Variants in MYRIP observed in about 807,000 individuals in gnomAD.
MYRIP encodes rab effector MyRIP.
In MYRIP, 49 loss-of-function variants were observed where a neutral mutation model predicts 98.0. The ratio of observed to expected loss-of-function variants is 0.50; its 90% CI spans 0.40 to 0.63. The LOEUF (loss-of-function observed/expected upper bound fraction) is 0.63, where lower values mean the gene tolerates loss of function less well. Ranked by LOEUF, MYRIP falls within the 30% of genes least tolerant of loss-of-function variation. MYRIP has a pLI of 0.00. For missense variants in MYRIP, 1,004 were observed against 1,058.2 expected (o/e 0.95, Z 0.71); for synonymous variants, 404 against 409.5 (o/e 0.99, Z 0.16).
intron 16 of MYRIP, among the ~76,000 whole-genome samples, chr3:40,254,921 T>G (rs1953525190): frequency 6.6e-6 from 1 of 152,210 alleles, no homozygotes; most frequent in African/African-American, 2.4e-5. Context: ...TTACCTTTTA[T>G]CCTTCACCCA....
chr3:40,235,520 T>A (rs937729825), intron 12 of MYRIP, among the ~76,000 whole-genome samples: 5 of 152,220 alleles, frequency 3.3e-5, no homozygotes, highest in Admixed American at 6.5e-5. Flanking sequence ...CTGGAACAAG[T>A]ATGCATTTGC....
At chr3:40,061,831 T>C (rs1354344276) in intron 3 of MYRIP, among the ~76,000 whole-genome samples, 6 of 152,214 alleles carry the variant, frequency 3.9e-5, no homozygotes, top group Admixed American at 3.9e-4. Context: ...TGGTTTTGAT[T>C]TGCATTTCTC....
At chr3:40,256,151 G>A (rs565476501) in intron 16 of MYRIP, among the ~76,000 whole-genome samples, 18 of 152,300 alleles carry the variant, frequency 1.2e-4, no homozygotes, top group African/African-American at 4.3e-4. Flanking sequence ...ATAGCCACAT[G>A]TAGCTAGTGG....
intron 13 of MYRIP, among the ~76,000 whole-genome samples, chr3:40,244,911 T>C (rs1035938086): frequency 1.2e-4 from 19 of 152,230 alleles, no homozygotes; most frequent in African/African-American, 4.6e-4. Context: ...TCCATTCCAC[T>C]CCAAGACCAT....
At chr3:39,966,354 A>G (rs376611383) in intron 2 of MYRIP, among the ~76,000 whole-genome samples, 96 of 152,308 alleles carry the variant, frequency 6.3e-4, no homozygotes, top group African/African-American at 2.3e-3. Context: ...GGTTACAGAT[A>G]ATACGCATTT....
chr3:40,065,111 G>A (rs1412983614), intron 3 of MYRIP, among the ~76,000 whole-genome samples: 1 of 152,192 alleles, frequency 6.6e-6, no homozygotes, highest in African/African-American at 2.4e-5. Context: ...AAGTCTGTAA[G>A]AGGAATCATC....
intron 1 of MYRIP, among the ~76,000 whole-genome samples, chr3:39,824,660 C>T (rs1349424559): frequency 6.6e-6 from 1 of 150,960 alleles, no homozygotes; most frequent in Non-Finnish European, 1.5e-5. Flanking sequence ...ATTTCTTTTT[C>T]AGATAGTTGA....
At chr3:40,192,011 C>G (rs1373995581) in intron 10 of MYRIP, among the ~76,000 whole-genome samples, 1 of 151,960 alleles carries the variant, frequency 6.6e-6, no homozygotes, top group Non-Finnish European at 1.5e-5. Context: ...CCTCTGCCTC[C>G]TGGGGAGTGA....
intron 3 of MYRIP, among the ~76,000 whole-genome samples, chr3:40,079,581 A>G (rs1333587716): frequency 6.6e-6 from 1 of 152,252 alleles, no homozygotes; most frequent in Non-Finnish European, 1.5e-5. Context: ...CTCGTTGTAC[A>G]CAAGAAAGCA....
At chr3:40,116,930 T>C (rs1419303091) in intron 3 of MYRIP, among the ~76,000 whole-genome samples, 1 of 152,168 alleles carries the variant, frequency 6.6e-6, no homozygotes, top group Admixed American at 6.5e-5. Context: ...TTCCCTTCCA[T>C]AGTTTCATAA....
chr3:39,901,064 A>G, intron 2 of MYRIP, 138 bp downstream of exon 2: 2 of 626,534 alleles, frequency 3.2e-6, no homozygotes, highest in South Asian at 4.0e-5. Context: ...TGTCCTTTGT[A>G]GAAAGGTTTG....
intron 1 of MYRIP, among the ~76,000 whole-genome samples, chr3:39,855,414 G>A (rs1319052477): frequency 6.6e-6 from 1 of 152,124 alleles, no homozygotes; most frequent in East Asian, 1.9e-4. Context: ...TCTATGTTTT[G>A]TGTTAGGCTA....
At chr3:40,111,933 A>G (rs1317864347) in intron 3 of MYRIP, among the ~76,000 whole-genome samples, 1 of 152,210 alleles carries the variant, frequency 6.6e-6, no homozygotes, top group Non-Finnish European at 1.5e-5. Flanking sequence ...TTGTGTATAC[A>G]TGAATTGACC....
At chr3:39,947,596 T>C (rs781457160) in intron 2 of MYRIP, among the ~76,000 whole-genome samples, 2 of 152,120 alleles carry the variant, frequency 1.3e-5, no homozygotes, top group Non-Finnish European at 2.9e-5. Flanking sequence ...TGGTTTCACC[T>C]GGGAGCTTGT....
At chr3:39,994,314 C>T (rs772381725) in intron 2 of MYRIP, among the ~76,000 whole-genome samples, 4 of 152,234 alleles carry the variant, frequency 2.6e-5, no homozygotes, top group Non-Finnish European at 5.9e-5. Context: ...ACAGATGGCA[C>T]CTGGAAAATC....
At chr3:40,190,564 G>A (rs1951179442) in intron 10 of MYRIP, 101 bp downstream of exon 10, 2 of 1,466,724 alleles carry the variant, frequency 1.4e-6, no homozygotes, top group South Asian at 1.5e-5. Flanking sequence ...GGAATCCGCA[G>A]ACCCAGATTC....
intron 11 of MYRIP, among the ~76,000 whole-genome samples, chr3:40,218,550 G>C (rs1378956752): frequency 6.9e-6 from 1 of 143,928 alleles, no homozygotes; most frequent in Non-Finnish European, 1.5e-5. Flanking sequence ...AAATTTTACT[G>C]TATGTAATAT....
chr3:40,163,365 T>C (rs1443827100), intron 5 of MYRIP, among the ~76,000 whole-genome samples: 2 of 152,224 alleles, frequency 1.3e-5, no homozygotes, highest in Non-Finnish European at 2.9e-5. Context: ...GGGGCTGTGA[T>C]AGTTAATTTT....
intron 3 of MYRIP, among the ~76,000 whole-genome samples, chr3:40,051,279 C>T (rs1056945409): frequency 1.3e-5 from 2 of 152,118 alleles, no homozygotes; most frequent in African/African-American, 4.8e-5. Flanking sequence ...TCAGCATCCA[C>T]CACCCTGATC....
Sources: allele counts gnomAD v4.1 joint callset (sites outside exome capture counted in the v4.1 genomes callset), GRCh38; gene constraint gnomAD v4.1.1; transcripts MANE v1.5; gene names NCBI Gene and HGNC (gene_info 2026-07-23, HGNC 2026-07-21).